EMP2: variants seen among roughly 807,000 people sequenced by gnomAD.
The protein encoded by EMP2 is epithelial membrane protein 2.
EMP2 carries 19 observed loss-of-function variants against 13.7 expected under a neutral mutation model. The observed-to-expected ratio is 1.38, with a 90% CI of 0.97 to 2.03. The LOEUF (loss-of-function observed/expected upper bound fraction) is 2.03. Ranked by LOEUF, EMP2 falls within the 30% of genes most tolerant of loss-of-function variation. The probability of loss-of-function intolerance (pLI) is 0.00; values close to 1 mark genes in which losing one functional copy is unlikely to be tolerated. For synonymous variants in EMP2, 97 were observed against 84.7 expected, an observed-to-expected ratio of 1.15 and a Z score of -0.80; for missense variants, 253 against 220.7, an observed-to-expected ratio of 1.15 and a Z score of -0.93.
At chr16:10,546,358 T>A (rs1596372726) in intron 2 of EMP2, 1 of 152,236 alleles carries the variant, frequency 6.6e-6, no homozygotes, top group South Asian at 2.1e-4. Flanking sequence ...GTATAGGCTG[T>A]TAAGAAGCTT....
intron 3 of EMP2, among the ~76,000 whole-genome samples, chr16:10,540,493 G>A (rs1019627962): frequency 5.3e-5 from 6 of 113,636 alleles, no homozygotes; most frequent in East Asian, 2.3e-4. Context: ...GTGACAGAGC[G>A]AGACTCTGTC....
At chr16:10,548,102 C>T (rs2050754008) in intron 1 of EMP2, among the ~76,000 whole-genome samples, 1 of 152,126 alleles carries the variant, frequency 6.6e-6, no homozygotes, top group Non-Finnish European at 1.5e-5. Context: ...TCTTTACTCG[C>T]CTGGAGACTT....
At chr16:10,556,115 A>T (rs1215681457) in intron 1 of EMP2, among the ~76,000 whole-genome samples, 2 of 152,192 alleles carry the variant, frequency 1.3e-5, no homozygotes, top group African/African-American at 2.4e-5. Flanking sequence ...TGCTATATAA[A>T]TATTGTACTC....
chr16:10,552,927 G>C (rs947463020), intron 1 of EMP2, among the ~76,000 whole-genome samples: 1 of 152,178 alleles, frequency 6.6e-6, no homozygotes, highest in Non-Finnish European at 1.5e-5. Flanking sequence ...AAGGTTTCTA[G>C]TACATGTAAA....
At chr16:10,554,167 G>T (rs1240849690) in intron 1 of EMP2, among the ~76,000 whole-genome samples, 1 of 152,020 alleles carries the variant, frequency 6.6e-6, no homozygotes, top group African/African-American at 2.4e-5. Flanking sequence ...GAGTAGCTGG[G>T]ATTACAGGCA....
At chr16:10,536,040 G>T (rs1223217517) in intron 4 of EMP2, among the ~76,000 whole-genome samples, 2 of 152,106 alleles carry the variant, frequency 1.3e-5, no homozygotes, top group Non-Finnish European at 2.9e-5. Flanking sequence ...GACTTGGGGG[G>T]TTCTCAAGAT....
chr16:10,548,062 G>A (rs1043537906), intron 1 of EMP2, among the ~76,000 whole-genome samples: 17 of 152,082 alleles, frequency 1.1e-4, no homozygotes, highest in Admixed American at 6.6e-4. Context: ...ATTTCATGGG[G>A]TCTTAGAAAA....
intron 2 of EMP2, chr16:10,546,816 C>G (rs1391000676): frequency 1.3e-5 from 2 of 152,304 alleles, no homozygotes; most frequent in East Asian, 3.9e-4. Context: ...AAGGATTATC[C>G]AGCCCAAAAT....
At chr16:10,561,625 A>G (rs917290378) in intron 1 of EMP2, among the ~76,000 whole-genome samples, 2 of 152,224 alleles carry the variant, frequency 1.3e-5, no homozygotes, top group Non-Finnish European at 2.9e-5. Context: ...AGTGAACTAA[A>G]GCCCTTCATT....
intron 3 of EMP2, among the ~76,000 whole-genome samples, chr16:10,538,788 G>T (rs1367475755): frequency 6.6e-6 from 1 of 152,002 alleles, no homozygotes; most frequent in East Asian, 1.9e-4. Flanking sequence ...ACCTTCGTGG[G>T]CCTCAGTTTC....
At chr16:10,543,368 A>G (rs1045201647) in intron 3 of EMP2, among the ~76,000 whole-genome samples, 3 of 152,268 alleles carry the variant, frequency 2.0e-5, no homozygotes, top group Non-Finnish European at 4.4e-5. Flanking sequence ...GTCTCCCTCC[A>G]GCCTCCGGCT....
chr16:10,553,743 T>G (rs918917316), intron 1 of EMP2, among the ~76,000 whole-genome samples: 1 of 152,266 alleles, frequency 6.6e-6, no homozygotes, highest in African/African-American at 2.4e-5. Flanking sequence ...CACCACAATT[T>G]ACTTAACTGG....
intron 1 of EMP2, among the ~76,000 whole-genome samples, chr16:10,562,682 G>T (rs2050881193): frequency 6.6e-6 from 1 of 152,172 alleles, no homozygotes; most frequent in Admixed American, 6.6e-5. Context: ...TTGTTACCCA[G>T]CAAGAGCTAA....
chr16:10,547,519 G>C, intron 2 of EMP2, 21 bp downstream of exon 2: 1 of 1,613,484 alleles, frequency 6.2e-7, no homozygotes. Context: ...TTCTGCGTGA[G>C]TGGCAGGAAA....
chr16:10,554,389 T>C (rs2050811965), intron 1 of EMP2, among the ~76,000 whole-genome samples: 1 of 152,200 alleles, frequency 6.6e-6, no homozygotes, highest in African/African-American at 2.4e-5. Flanking sequence ...CTTGATGTTA[T>C]GTCTTTGGCT....
rs570632453 is a variant in EMP2, at chr16:10,533,040, A to T, written c.369T>A (p.Ile123=). ...GATAGAATTTCGCGTTTTTGTCGTG[A>T]ATGTCTTCACGCCTGTCTGTATAAA... ...ASIYTDRRED[I]HDKNAKFYPV... The change falls in exon 5 of 5, where the codon ATT becomes ATA. Residue 123 remains isoleucine, a synonymous_variant. Transcript: ENST00000359543. 1.2e-6 allele frequency: 2 copies of T among 1,611,026 alleles called. No homozygotes were observed. Among genetic ancestry groups the T allele is most frequent in the South Asian group, 2.2e-5 (2 of 90,352 alleles).
chr16:10,547,973 G>A (rs940893472), intron 1 of EMP2, among the ~76,000 whole-genome samples: 9 of 152,162 alleles, frequency 5.9e-5, no homozygotes, highest in Non-Finnish European at 8.8e-5. Flanking sequence ...GGTTGAGGAC[G>A]CAGTGAGCCA....
chr16:10,538,994 G>A (rs1286336462), intron 3 of EMP2, among the ~76,000 whole-genome samples: 3 of 151,900 alleles, frequency 2.0e-5, no homozygotes, highest in Non-Finnish European at 4.4e-5. Flanking sequence ...TTTTTGTAGG[G>A]ATGGAGTCTC....
In EMP2 at chr16:10,530,793, TG is replaced by T. The variant is rs1216059911; in HGVS notation, c.*2111del. 1 of 152,224 alleles carries T rather than the reference TG, an allele frequency of 6.6e-6. No homozygotes were observed. Among genetic ancestry groups the T allele is most frequent in the Non-Finnish European group, 1.5e-5 (1 of 68,080 alleles). The allele number at this position is 152,224 out of a possible 1,614,324, so 9.4% of individuals were successfully genotyped here. On this transcript the variant is annotated 3_prime_UTR_variant, in exon 5 of 5. Coordinates refer to ENST00000359543, the MANE Select transcript of EMP2 (RefSeq NM_001424.6). ...CTCACCGCATTTACTGTCGGGACCA[TG>T]GGCCCCTCCACAGACATGTTTTCTG... is the stretch of plus-strand genomic sequence containing the variant.
Sources: gnomAD v4.1 joint callset for allele counts (sites outside exome capture counted in the v4.1 genomes callset) on GRCh38, gnomAD v4.1.1 for gene constraint, MANE v1.5 for transcripts, NCBI Gene and HGNC (gene_info 2026-07-23, HGNC 2026-07-21) for gene names.